Variants in CCDC7 observed in about 807,000 individuals in gnomAD.
CCDC7 encodes coiled-coil domain-containing protein 7.
A neutral mutation model predicts 196.9 loss-of-function variants in CCDC7; 183 were observed. That is an observed-to-expected ratio of 0.93 (90% CI 0.82 to 1.05). The LOEUF is 1.05. Among genes scored for constraint, CCDC7 ranks in the 50% least tolerant of loss-of-function variants. CCDC7 has a pLI of 0.00. For synonymous variants in CCDC7, 525 were observed against 484.6 expected (o/e 1.08, Z -1.10); for missense variants, 1,540 against 1,482.2 (o/e 1.04, Z -0.64).
intron 28 of CCDC7, among the ~76,000 whole-genome samples, chr10:32,773,374 C>A (rs996513508): frequency 2.0e-5 from 3 of 151,940 alleles, no homozygotes; most frequent in African/African-American, 7.2e-5. Context: ...ATTCACTTTT[C>A]TTTTTGCTCC....
chr10:32,740,072 A>G (rs1055219170), intron 28 of CCDC7, among the ~76,000 whole-genome samples: 5 of 152,100 alleles, frequency 3.3e-5, no homozygotes, highest in Admixed American at 6.6e-5. Flanking sequence ...GGAGACTCCT[A>G]TGTTTTTCTC....
intron 18 of CCDC7, among the ~76,000 whole-genome samples, chr10:32,597,872 C>T (rs975376508): frequency 6.6e-6 from 1 of 152,230 alleles, no homozygotes; most frequent in Non-Finnish European, 1.5e-5. Context: ...GAAGCTTCGT[C>T]TCAGAGGGGC....
chr10:32,744,021 G>A (rs1173634110), intron 28 of CCDC7, among the ~76,000 whole-genome samples: 1 of 150,720 alleles, frequency 6.6e-6, no homozygotes, highest in East Asian at 2.0e-4. Context: ...ATAGCATTAG[G>A]AGATATACCT....
At chr10:32,852,292 A>G (rs1276641114) in intron 40 of CCDC7, among the ~76,000 whole-genome samples, 1 of 152,192 alleles carries the variant, frequency 6.6e-6, no homozygotes, top group African/African-American at 2.4e-5. Flanking sequence ...TACAATAGAA[A>G]GACAACATAA....
At chr10:32,498,702 A>G (rs1009271712) in intron 9 of CCDC7, among the ~76,000 whole-genome samples, 12 of 152,148 alleles carry the variant, frequency 7.9e-5, no homozygotes, top group African/African-American at 1.4e-4. Context: ...AGAATGTTGA[A>G]TATCGGCCCC....
chr10:32,790,540 G>A (rs963130930), intron 29 of CCDC7, among the ~76,000 whole-genome samples: 7 of 152,130 alleles, frequency 4.6e-5, no homozygotes, highest in African/African-American at 7.2e-5. Context: ...ATTGTGTTCC[G>A]CCCTTCCAGG....
At chr10:32,770,169 G>A (rs904996745) in intron 28 of CCDC7, among the ~76,000 whole-genome samples, 1 of 151,984 alleles carries the variant, frequency 6.6e-6, no homozygotes, top group Non-Finnish European at 1.5e-5. Flanking sequence ...TTTGGGTTTG[G>A]TTTGTTCTTG....
In CCDC7 at chr10:32,715,261, A is replaced by G. The variant is rs540403904; in HGVS notation, c.2569+3531A>G. Among the ~76,000 whole-genome samples, 86 of 152,338 alleles carry G rather than the reference A, an allele frequency of 5.6e-4. No homozygotes were observed. In the Middle Eastern group the frequency reaches 0.014, roughly 24 times the overall value. On this transcript the variant is annotated intron_variant, in intron 25 of 41. Transcript: ENST00000639629. ...CTGGTGATACCCAGGCAAACAGGGT[A>G]TGGAGTGGACCTCCAGCAAATTCCA...
At chr10:32,453,375 A>G (rs563497211) in exon 2 of CCDC7, 2 of 1,547,050 alleles carry the variant, frequency 1.3e-6, no homozygotes, top group Non-Finnish European at 1.7e-6. Context: ...ACCTATGGAC[A>G]TTGCGATCAG....
At chr10:32,670,743 C>G (rs188095176) in intron 21 of CCDC7, among the ~76,000 whole-genome samples, 38 of 152,150 alleles carry the variant, frequency 2.5e-4, no homozygotes, top group Middle Eastern at 3.4e-3. Context: ...AATACCAACT[C>G]TTAGTTTTGT....
At chr10:32,821,330 G>A (rs1378170796) in intron 31 of CCDC7, among the ~76,000 whole-genome samples, 2 of 152,116 alleles carry the variant, frequency 1.3e-5, no homozygotes, top group African/African-American at 4.8e-5. Flanking sequence ...TGGAGAGGAT[G>A]TGGAGAAATA....
intron 18 of CCDC7, among the ~76,000 whole-genome samples, chr10:32,607,162 C>A (rs958377711): frequency 6.6e-6 from 1 of 152,180 alleles, no homozygotes; most frequent in Non-Finnish European, 1.5e-5. Context: ...ATGGGAGACA[C>A]TGGCTCCCCC....
intron 13 of CCDC7, among the ~76,000 whole-genome samples, chr10:32,553,348 T>G (rs1421722343): frequency 6.6e-6 from 1 of 152,180 alleles, no homozygotes; most frequent in Non-Finnish European, 1.5e-5. Context: ...TTGGATTTCC[T>G]TGCATTGAGC....
At chr10:32,689,116 A>T in exon 23 of CCDC7, 1 of 1,608,462 alleles carries the variant, frequency 6.2e-7, no homozygotes, top group Admixed American at 1.7e-5. Context: ...TCAAAATCAG[A>T]AATGCAAGTG....
intron 9 of CCDC7, chr10:32,511,800 G>A (rs891824138): frequency 3.4e-5 from 41 of 1,188,478 alleles, no homozygotes; most frequent in Admixed American, 3.4e-4. Flanking sequence ...CAACGATGAC[G>A]ACAATGACGC....
intron 8 of CCDC7, among the ~76,000 whole-genome samples, chr10:32,487,449 A>G (rs539218829): frequency 1.3e-5 from 2 of 152,178 alleles, no homozygotes; most frequent in African/African-American, 4.8e-5. Context: ...TTTAGCTCAG[A>G]GTAGTTTGAT....
chr10:32,522,190 T>C (rs2047982455), intron 11 of CCDC7, among the ~76,000 whole-genome samples: 1 of 152,196 alleles, frequency 6.6e-6, no homozygotes, highest in Non-Finnish European at 1.5e-5. Flanking sequence ...GCTGGTCTTG[T>C]AGAATGAGTT....
chr10:32,489,806 C>T (rs1346933691), intron 8 of CCDC7, among the ~76,000 whole-genome samples: 3 of 152,040 alleles, frequency 2.0e-5, no homozygotes, highest in Admixed American at 1.3e-4. Flanking sequence ...CATGGAAGTG[C>T]GTGATCCAAC....
rs1255554605 is a variant in CCDC7, at chr10:32,524,651, A to G, written c.993+6146A>G. ...CTTAAAGAATATTTTTGCCAGCTAT[A>G]CTATTCTAGGGTAAAAGGTTTTTTC... is the stretch of plus-strand genomic sequence containing the variant. On this transcript the variant is annotated intron_variant, in intron 11 of 41. Coordinates refer to ENST00000639629, the Ensembl canonical transcript of CCDC7. Among the ~76,000 whole-genome samples the G allele has an allele frequency of 2.0e-5, 3 of 152,188 alleles. 1 individual carries two copies. Among genetic ancestry groups the G allele is most frequent in the Non-Finnish European group, 4.4e-5 (3 of 68,028 alleles).
Sources: gnomAD v4.1 joint callset for allele counts (sites outside exome capture counted in the v4.1 genomes callset) on GRCh38, gnomAD v4.1.1 for gene constraint, MANE v1.5 for transcripts, NCBI Gene and HGNC (gene_info 2026-07-23, HGNC 2026-07-21) for gene names.